The following ERBB4 variants were observed in gnomAD, a reference collection of about 807,000 sequenced individuals.
The protein encoded by ERBB4 is receptor tyrosine-protein kinase erbB-4.
Under a neutral mutation model 158.0 loss-of-function variants are expected in ERBB4, and 42 were observed. That is an observed-to-expected ratio of 0.27 (90% CI 0.21 to 0.34). The LOEUF (loss-of-function observed/expected upper bound fraction) is 0.34. Ranked by LOEUF, ERBB4 falls within the 10% of genes least tolerant of loss-of-function variation. The pLI, the probability that ERBB4 is intolerant of heterozygous loss-of-function variation, is 1.00. For synonymous variants in ERBB4, 583 were observed against 558.7 expected, an observed-to-expected ratio of 1.04 and a Z score of -0.61; for missense variants, 1,333 against 1,624.1, an observed-to-expected ratio of 0.82 and a Z score of 3.08.
intron 2 of ERBB4, among the ~76,000 whole-genome samples, chr2:212,031,534 G>C (rs2076902045): frequency 6.6e-6 from 1 of 152,120 alleles, no homozygotes; most frequent in African/African-American, 2.4e-5. Flanking sequence ...TTTAGCAGAT[G>C]GGCTCCAGGA....
chr2:212,458,324 T>A (rs1171296604), intron 1 of ERBB4, among the ~76,000 whole-genome samples: 1 of 152,054 alleles, frequency 6.6e-6, no homozygotes, highest in Non-Finnish European at 1.5e-5. Flanking sequence ...AATTCTCTTT[T>A]TAGTTAGGCT....
chr2:212,453,448 A>AG (rs11399174), intron 1 of ERBB4, among the ~76,000 whole-genome samples: 34,257 of 152,114 alleles, frequency 0.23, 4,787 homozygotes, highest in African/African-American at 0.4. Flanking sequence ...AATTTCCAAA[A>AG]CAAATAACAC....
rs184466594 is a variant in ERBB4, at chr2:211,565,809, T to C, written c.2302-3721A>G. On this transcript the variant is annotated intron_variant, in intron 19 of 27. Coordinates refer to ENST00000342788, the MANE Select transcript of ERBB4 (RefSeq NM_005235.3). ...GGAACACGCCTGGAGAAAGGAGTGA[T>C]AGAAGACCAAACAAAAGAAGTAAGC... 2.9e-4 allele frequency among the ~76,000 whole-genome samples: 44 copies of C among 152,284 alleles called. No homozygotes were observed. The East Asian group carries it at 8.3e-3, about 29-fold the overall frequency.
At chr2:211,675,101 C>T (rs1374747616) in intron 13 of ERBB4, among the ~76,000 whole-genome samples, 1 of 152,128 alleles carries the variant, frequency 6.6e-6, no homozygotes, top group Non-Finnish European at 1.5e-5. Context: ...TCCATAATTT[C>T]TCTTTTTCTT....
intron 1 of ERBB4, among the ~76,000 whole-genome samples, chr2:212,464,312 T>C (rs1215846277): frequency 1.3e-5 from 2 of 152,158 alleles, no homozygotes; most frequent in African/African-American, 4.8e-5. Flanking sequence ...ACAGATTTAT[T>C]TCTGAGACCA....
chr2:212,352,916 T>G (rs965441498), intron 1 of ERBB4, among the ~76,000 whole-genome samples: 1 of 152,042 alleles, frequency 6.6e-6, no homozygotes, highest in African/African-American at 2.4e-5. Flanking sequence ...AATTATAATT[T>G]ACTTTAACAG....
intron 1 of ERBB4, among the ~76,000 whole-genome samples, chr2:212,371,029 G>A (rs1164749851): frequency 6.6e-6 from 1 of 152,088 alleles, no homozygotes; most frequent in East Asian, 1.9e-4. Context: ...AACTGGATAT[G>A]AACTAGAGAT....
chr2:212,004,211 A>G (rs2076208117), intron 2 of ERBB4, among the ~76,000 whole-genome samples: 1 of 152,220 alleles, frequency 6.6e-6, no homozygotes, highest in Non-Finnish European at 1.5e-5. Flanking sequence ...AATATTTTCT[A>G]TACATTAATT....
chr2:211,831,615 T>C (rs74374692), intron 3 of ERBB4, among the ~76,000 whole-genome samples: 6,815 of 152,278 alleles, frequency 0.045, 265 homozygotes, highest in Middle Eastern at 0.068. Flanking sequence ...ATAATAGTAA[T>C]GTTGCCAGTC....
chr2:211,916,364 G>A (rs2079691491), intron 3 of ERBB4, among the ~76,000 whole-genome samples: 1 of 151,942 alleles, frequency 6.6e-6, no homozygotes, highest in Non-Finnish European at 1.5e-5. Flanking sequence ...ATTTTTAGTG[G>A]AGACGGGGTT....
intron 20 of ERBB4, among the ~76,000 whole-genome samples, chr2:211,529,404 T>A (rs921579564): frequency 6.6e-6 from 1 of 152,106 alleles, no homozygotes; most frequent in East Asian, 1.9e-4. Context: ...ACGGCTTCAC[T>A]GCTGAACTCT....
intron 1 of ERBB4, among the ~76,000 whole-genome samples, chr2:212,230,174 A>T (rs1050242991): frequency 6.6e-6 from 1 of 152,062 alleles, no homozygotes. Context: ...AATCCCAGCT[A>T]CTCGGGAGGC....
intron 4 of ERBB4, among the ~76,000 whole-genome samples, chr2:211,776,660 GAGAA>G (rs1415440512): frequency 6.6e-6 from 1 of 152,188 alleles, no homozygotes; most frequent in Non-Finnish European, 1.5e-5. Flanking sequence ...ATTAAAATAT[GAGAA>G]AGAAAGAAGT....
At chr2:212,203,250 G>T (rs1414987441) in intron 1 of ERBB4, among the ~76,000 whole-genome samples, 2 of 152,100 alleles carry the variant, frequency 1.3e-5, no homozygotes, top group African/African-American at 4.8e-5. Flanking sequence ...AGTGGCTTTT[G>T]AGTAAAAACC....
At chr2:212,328,067 G>A (rs534866145) in intron 1 of ERBB4, among the ~76,000 whole-genome samples, 13 of 151,636 alleles carry the variant, frequency 8.6e-5, no homozygotes, top group African/African-American at 3.1e-4. Flanking sequence ...TTTGTACAGG[G>A]CTACACTGGG....
chr2:212,161,607 C>T (rs1272304167), intron 1 of ERBB4, among the ~76,000 whole-genome samples: 2 of 151,854 alleles, frequency 1.3e-5, no homozygotes, highest in Non-Finnish European at 2.9e-5. Context: ...AAAGGATCAA[C>T]TTCTACTCCT....
intron 1 of ERBB4, among the ~76,000 whole-genome samples, chr2:212,341,201 A>G (rs2088694116): frequency 6.6e-6 from 1 of 151,854 alleles, no homozygotes; most frequent in South Asian, 2.1e-4. Context: ...TGTATATGCC[A>G]AAATATTTGC....
chr2:211,444,679 T>C (rs1024480192), intron 20 of ERBB4, among the ~76,000 whole-genome samples: 2 of 152,096 alleles, frequency 1.3e-5, no homozygotes, highest in East Asian at 1.9e-4. Context: ...TCACTCTCTA[T>C]GTAGTTGAAA....
intron 1 of ERBB4, among the ~76,000 whole-genome samples, chr2:212,179,768 G>A (rs2125688199): frequency 6.6e-6 from 1 of 151,742 alleles, no homozygotes; most frequent in African/African-American, 2.4e-5. Flanking sequence ...CAAGGAAAAT[G>A]TACCAATTAT....
Sources: allele counts gnomAD v4.1 joint callset (sites outside exome capture counted in the v4.1 genomes callset), GRCh38; gene constraint gnomAD v4.1.1; transcripts MANE v1.5; gene names NCBI Gene and HGNC (gene_info 2026-07-23, HGNC 2026-07-21).